Variants in LDB2 observed in about 807,000 individuals in gnomAD.
LDB2 encodes LIM domain binding 2, also known as LIM domain-binding protein 2.
In LDB2, 12 loss-of-function variants were observed where a neutral mutation model predicts 44.3. That is an observed-to-expected ratio of 0.27 (90% CI 0.17 to 0.44). The LOEUF is 0.44. Ranked by LOEUF, LDB2 falls within the 20% of genes least tolerant of loss-of-function variation. LDB2 has a pLI of 1.00. For synonymous variants in LDB2, 164 were observed against 174.8 expected, an observed-to-expected ratio of 0.94 and a Z score of 0.49; for missense variants, 344 against 473.5, an observed-to-expected ratio of 0.73 and a Z score of 2.54.
chr4:16,679,844 G>C (rs949687799), intron 2 of LDB2, among the ~76,000 whole-genome samples: 23 of 152,314 alleles, frequency 1.5e-4, no homozygotes, highest in Non-Finnish European at 8.8e-5. Context: ...GTCAGTGCAG[G>C]GAGACTGGAT....
At chr4:16,747,169 C>T (rs1239206718) in intron 2 of LDB2, among the ~76,000 whole-genome samples, 1 of 152,162 alleles carries the variant, frequency 6.6e-6, no homozygotes, top group Non-Finnish European at 1.5e-5. Context: ...TTAAATAAGG[C>T]ATGGCGCTGG....
chr4:16,819,765 T>C (rs926347334), intron 1 of LDB2, among the ~76,000 whole-genome samples: 1 of 152,194 alleles, frequency 6.6e-6, no homozygotes, highest in African/African-American at 2.4e-5. Context: ...GATTCAAGTG[T>C]TGGAATTGGG....
At chr4:16,714,929 C>T (rs1560973585) in intron 2 of LDB2, among the ~76,000 whole-genome samples, 1 of 152,102 alleles carries the variant, frequency 6.6e-6, no homozygotes, top group Non-Finnish European at 1.5e-5. Context: ...CCAGGATGAT[C>T]TCATCAAGAA....
intron 1 of LDB2, among the ~76,000 whole-genome samples, chr4:16,797,134 T>G (rs1370035788): frequency 6.6e-6 from 1 of 152,148 alleles, no homozygotes; most frequent in African/African-American, 2.4e-5. Context: ...ACCAAAATCC[T>G]CAAGTCCTGC....
At chr4:16,589,037 CT>C (rs1256950892) in intron 3 of LDB2, among the ~76,000 whole-genome samples, 1 of 152,190 alleles carries the variant, frequency 6.6e-6, no homozygotes, top group African/African-American at 2.4e-5. Context: ...TGTACAGCTG[CT>C]TATTGGCCAT....
intron 2 of LDB2, among the ~76,000 whole-genome samples, chr4:16,611,778 C>G (rs1230681887): frequency 6.6e-6 from 1 of 152,070 alleles, no homozygotes; most frequent in African/African-American, 2.4e-5. Flanking sequence ...GACTTTAACA[C>G]CCCACTGTCA....
intron 1 of LDB2, among the ~76,000 whole-genome samples, chr4:16,895,171 T>C (rs1724608600): frequency 6.6e-6 from 1 of 151,352 alleles, no homozygotes. Flanking sequence ...GGGACACTGT[T>C]GGTAATTTGC....
chr4:16,643,169 G>T (rs1227548330), intron 2 of LDB2, among the ~76,000 whole-genome samples: 1 of 116,892 alleles, frequency 8.6e-6, no homozygotes, highest in Admixed American at 1.1e-4. Context: ...AGGGATAAAA[G>T]TATCTTTGTG....
chr4:16,645,204 G>T (rs1025366247), intron 2 of LDB2, among the ~76,000 whole-genome samples: 1 of 152,172 alleles, frequency 6.6e-6, no homozygotes, highest in Non-Finnish European at 1.5e-5. Flanking sequence ...TTCACACAGT[G>T]GCTGAGGTTT....
intron 2 of LDB2, among the ~76,000 whole-genome samples, chr4:16,657,260 A>G (rs985578889): frequency 1.3e-5 from 2 of 152,212 alleles, no homozygotes; most frequent in African/African-American, 4.8e-5. Flanking sequence ...TGTGGTTGGC[A>G]TTATCTATCT....
intron 2 of LDB2, among the ~76,000 whole-genome samples, chr4:16,638,604 T>A (rs565600815): frequency 6.6e-6 from 1 of 152,228 alleles, no homozygotes; most frequent in East Asian, 1.9e-4. Context: ...TCTAATTAAT[T>A]TGTATTGCTT....
intron 1 of LDB2, among the ~76,000 whole-genome samples, chr4:16,892,316 C>CTGAA (rs5856392): frequency 0.27 from 40,668 of 151,840 alleles, 5,622 homozygotes; most frequent in Admixed American, 0.34. Context: ...CTGTCATTGC[C>CTGAA]TGAAGTATGG....
intron 1 of LDB2, among the ~76,000 whole-genome samples, chr4:16,896,682 A>G (rs1254339803): frequency 6.6e-6 from 1 of 152,210 alleles, no homozygotes; most frequent in East Asian, 1.9e-4. Context: ...TCATACTTTT[A>G]AAAGACTATT....
intron 1 of LDB2, among the ~76,000 whole-genome samples, chr4:16,843,413 G>C (rs963941296): frequency 2.6e-5 from 4 of 152,096 alleles, no homozygotes; most frequent in African/African-American, 9.7e-5. Flanking sequence ...ACAAACAGTT[G>C]TAAATGAGTG....
At chr4:16,576,125 G>GCC (rs1003854555) in intron 5 of LDB2, among the ~76,000 whole-genome samples, 2 of 152,150 alleles carry the variant, frequency 1.3e-5, no homozygotes, top group African/African-American at 4.8e-5. Context: ...ACCTGAAAGT[G>GCC]CCCACATCAA....
At chr4:16,867,398 C>T (rs1580349413) in intron 1 of LDB2, among the ~76,000 whole-genome samples, 1 of 152,112 alleles carries the variant, frequency 6.6e-6, no homozygotes, top group African/African-American at 2.4e-5. Context: ...AGGCCCTGCT[C>T]AGGGCACTAG....
At chr4:16,842,347 G>A (rs963174677) in intron 1 of LDB2, among the ~76,000 whole-genome samples, 6 of 152,040 alleles carry the variant, frequency 3.9e-5, no homozygotes, top group South Asian at 4.2e-4. Flanking sequence ...AGAGAGAAAC[G>A]GAGAAAGAGC....
chr4:16,505,211 C>CTT (rs1248146334), intron 7 of LDB2, among the ~76,000 whole-genome samples: 1 of 152,134 alleles, frequency 6.6e-6, no homozygotes, highest in Non-Finnish European at 1.5e-5. Context: ...TTCGGTGAAT[C>CTT]TTTGTTCTAG....
chr4:16,502,990 G>C, intron 7 of LDB2, 117 bp from the exon 8 acceptor site: 1 of 1,602,156 alleles, frequency 6.2e-7, no homozygotes, highest in Non-Finnish European at 8.5e-7. Context: ...ACTGTACAAC[G>C]GGGTCAAGTC....
Sources: gnomAD v4.1 joint callset for allele counts (sites outside exome capture counted in the v4.1 genomes callset) on GRCh38, gnomAD v4.1.1 for gene constraint, MANE v1.5 for transcripts, NCBI Gene and HGNC (gene_info 2026-07-23, HGNC 2026-07-21) for gene names.